KCNMA1: variants seen among roughly 807,000 people sequenced by gnomAD.
KCNMA1 encodes the protein Calcium-activated potassium channel subunit alpha-1.
KCNMA1 carries 29 observed loss-of-function variants against 140.0 expected under a neutral mutation model. The ratio of observed to expected loss-of-function variants is 0.21; its 90% CI spans 0.15 to 0.28. The LOEUF is 0.28. KCNMA1 is among the 10% of genes least tolerant of loss of function. KCNMA1 has a pLI of 1.00. For synonymous variants in KCNMA1, 612 were observed against 611.9 expected (o/e 1.00, Z 0.00); for missense variants, 880 against 1,602.2 (o/e 0.55, Z 7.70).
intron 1 of KCNMA1, chr10:77,587,789 G>A (rs2077698917): frequency 1.1e-5 from 11 of 985,068 alleles, no homozygotes; most frequent in East Asian, 2.3e-4. Flanking sequence ...CTTACTGAGC[G>A]CCTATCAGAT....
At chr10:77,629,255 A>G (rs1022155158) in intron 1 of KCNMA1, among the ~76,000 whole-genome samples, 7 of 152,216 alleles carry the variant, frequency 4.6e-5, no homozygotes, top group African/African-American at 1.7e-4. Flanking sequence ...ATCTTAAAGC[A>G]GCCATTCTTT....
intron 2 of KCNMA1, among the ~76,000 whole-genome samples, chr10:77,294,076 G>A (rs145913035): frequency 6.6e-6 from 1 of 152,340 alleles, no homozygotes; most frequent in Admixed American, 6.5e-5. Context: ...TCAAAGTCTC[G>A]ACACTGTCTA....
At chr10:77,176,170 C>A (rs577579057) in intron 5 of KCNMA1, among the ~76,000 whole-genome samples, 1 of 152,252 alleles carries the variant, frequency 6.6e-6, no homozygotes, top group South Asian at 2.1e-4. Flanking sequence ...GGTGGGGTAA[C>A]CATTAAAAGG....
intron 2 of KCNMA1, among the ~76,000 whole-genome samples, chr10:77,267,908 C>T (rs2063862280): frequency 2.0e-5 from 3 of 152,308 alleles, no homozygotes; most frequent in African/African-American, 4.8e-5. Flanking sequence ...CCTGTTATAT[C>T]AGAATGCTGA....
At chr10:77,031,776 C>T (rs1183311188) in intron 15 of KCNMA1, among the ~76,000 whole-genome samples, 1 of 152,208 alleles carries the variant, frequency 6.6e-6, no homozygotes, top group Non-Finnish European at 1.5e-5. Context: ...TATCTCTCCC[C>T]TCTAGACTGA....
chr10:77,250,494 C>G (rs1176644107), intron 3 of KCNMA1: 1 of 154,744 alleles, frequency 6.5e-6, no homozygotes, highest in African/African-American at 2.4e-5. Flanking sequence ...AGTCTGTGCC[C>G]TCTTCATCCT....
intron 5 of KCNMA1, among the ~76,000 whole-genome samples, chr10:77,126,776 C>T (rs968970945): frequency 1.6e-5 from 2 of 128,540 alleles, no homozygotes; most frequent in African/African-American, 5.8e-5. Flanking sequence ...GGACAAAGGT[C>T]AGCTGCCTTG....
rs199569326 is a variant in KCNMA1, at chr10:76,887,287, G to C, written c.3690C>G (p.Tyr1230Ter). The C allele has an allele frequency of 1.2e-6, 2 of 1,613,982 alleles. No individual in the cohort carries two copies. Among genetic ancestry groups the C allele is most frequent in the Non-Finnish European group, 1.7e-6 (2 of 1,180,028 alleles). ...CATATCAAAGCCGCTCTTCCTGCAC[G>C]TACTTCTGTTTGTCCCGGGACTCCC... ...KSRESRDKQK[Y>*]VQEERL Residue 1230 changes from tyrosine to a stop codon, truncating the protein, a stop_gained, in exon 28 of 28, where the codon TAC becomes TAG. Coordinates refer to ENST00000286628, the MANE Select transcript of KCNMA1 (RefSeq NM_001161352.2). LOFTEE classifies it high-confidence loss of function.
chr10:77,158,109 A>G (rs2098509004), intron 5 of KCNMA1, among the ~76,000 whole-genome samples: 1 of 152,226 alleles, frequency 6.6e-6, no homozygotes, highest in African/African-American at 2.4e-5. Flanking sequence ...AATAAGTGGA[A>G]AGACAGAAAT....
intron 3 of KCNMA1, among the ~76,000 whole-genome samples, chr10:77,245,825 T>A (rs909801602): frequency 8.5e-5 from 13 of 152,082 alleles, no homozygotes; most frequent in Non-Finnish European, 1.3e-4. Context: ...TGAGGAACAA[T>A]CAGCTCTCCT....
chr10:77,131,181 G>A (rs573137635), intron 5 of KCNMA1, among the ~76,000 whole-genome samples: 32 of 152,302 alleles, frequency 2.1e-4, no homozygotes, highest in Admixed American at 2.0e-3. Context: ...GAAACACACT[G>A]TCTCTACAGC....
rs147114271 is a variant in KCNMA1 at position 77,024,395 on chromosome 10, GAC to G, written c.1928+3426_1928+3427del. Among the ~76,000 whole-genome samples the G allele has an allele frequency of 6.4e-4, 97 of 150,450 alleles. 1 individual carries two copies. The highest frequency in any genetic ancestry group is 2.0e-3 in the African/African-American group (82 of 41,112). ...AGATACAGACAAATACACACGCACA[GAC>G]ACACACACACACACAATTACAAACA... On this transcript the variant is annotated intron_variant, in intron 16 of 27. Coordinates refer to ENST00000286628, the MANE Select transcript of KCNMA1 (RefSeq NM_001161352.2).
At chr10:77,526,266 C>T (rs1217100211) in intron 1 of KCNMA1, among the ~76,000 whole-genome samples, 1 of 152,178 alleles carries the variant, frequency 6.6e-6, no homozygotes, top group Non-Finnish European at 1.5e-5. Flanking sequence ...ATGGGAGATA[C>T]ATTTCCTTAC....
chr10:76,937,401 C>G (rs2060841268), intron 23 of KCNMA1, among the ~76,000 whole-genome samples: 1 of 152,186 alleles, frequency 6.6e-6, no homozygotes, highest in African/African-American at 2.4e-5. Context: ...CAGCTCTTGA[C>G]ACATTCCCTC....
At position 77,252,525 on chromosome 10, in the gene KCNMA1, T is replaced by TTGTGTGTGTGTGTGTGTGTGTG. The variant is rs139774027; in HGVS notation, c.541-1291_541-1270dup. Among the ~76,000 whole-genome samples the TTGTGTGTGTGTGTGTGTGTGTG allele has an allele frequency of 1.4e-3, 198 of 145,804 alleles. 1 individual carries two copies. Among genetic ancestry groups the TTGTGTGTGTGTGTGTGTGTGTG allele is most frequent in the African/African-American group, 4.6e-3 (180 of 38,754 alleles). On this transcript the variant is annotated intron_variant, in intron 2 of 27. Coordinates refer to ENST00000286628, the MANE Select transcript of KCNMA1 (RefSeq NM_001161352.2). ...TGTAAAGACTAAGCATGATCAAGCTTTGTGTGTGTGTGTGTGTGTGTGTGT... is the reference window on the plus strand; with the variant it reads ...TGTAAAGACTAAGCATGATCAAGCTTTGTGTGTGTGTGTGTGTGTGTGTGTGTGTGTGTGTGTGTGTGTGTGT...
chr10:77,388,017 A>G (rs985091744), intron 2 of KCNMA1, among the ~76,000 whole-genome samples: 9 of 152,212 alleles, frequency 5.9e-5, no homozygotes, highest in African/African-American at 1.9e-4. Context: ...AATCAGAATG[A>G]ACCCAGAAGA....
chr10:77,193,815 G>C (rs2039477251), intron 3 of KCNMA1, among the ~76,000 whole-genome samples: 1 of 152,192 alleles, frequency 6.6e-6, no homozygotes, highest in Non-Finnish European at 1.5e-5. Flanking sequence ...GGTCTGAATG[G>C]AGAGCTGAGA....
intron 1 of KCNMA1, among the ~76,000 whole-genome samples, chr10:77,519,930 T>G (rs1193315660): frequency 6.6e-6 from 1 of 151,456 alleles, no homozygotes; most frequent in African/African-American, 2.4e-5. Flanking sequence ...AGGTGTGCAG[T>G]ATGCAGCGTG....
chr10:77,322,030 T>G (rs2082487636), intron 2 of KCNMA1, among the ~76,000 whole-genome samples: 1 of 152,188 alleles, frequency 6.6e-6, no homozygotes, highest in South Asian at 2.1e-4. Context: ...AAAGTCACTT[T>G]GGGTCTGGTG....
Sources: gnomAD v4.1 joint callset for allele counts (sites outside exome capture counted in the v4.1 genomes callset) on GRCh38, gnomAD v4.1.1 for gene constraint, MANE v1.5 for transcripts, NCBI Gene and HGNC (gene_info 2026-07-23, HGNC 2026-07-21) for gene names.